Variants in LRRIQ3 observed in about 807,000 individuals in gnomAD.
LRRIQ3 encodes the protein leucine rich repeats and IQ motif containing 3.
A neutral mutation model predicts 59.3 loss-of-function variants in LRRIQ3; 75 were observed. That is an observed-to-expected ratio of 1.26 (90% CI 1.05 to 1.53). LRRIQ3 has a LOEUF of 1.53. LRRIQ3 is among the 40% of genes most tolerant of loss of function. The pLI, the probability that LRRIQ3 is intolerant of heterozygous loss-of-function variation, is 0.00. For missense variants in LRRIQ3, 831 were observed against 710.0 expected (o/e 1.17, Z -1.94); for synonymous variants, 250 against 231.3 (o/e 1.08, Z -0.73).
intron 4 of LRRIQ3, among the ~76,000 whole-genome samples, chr1:74,129,960 T>C (rs1051042903): frequency 1.3e-4 from 19 of 150,152 alleles, no homozygotes; most frequent in African/African-American, 3.9e-4. Flanking sequence ...GTATCAAAGT[T>C]GCCCCCCCAC....
At chr1:74,177,889 G>A (rs1245380085) in intron 3 of LRRIQ3, among the ~76,000 whole-genome samples, 2 of 151,864 alleles carry the variant, frequency 1.3e-5, no homozygotes, top group African/African-American at 4.8e-5. Context: ...ACATAAAAAT[G>A]TTATGTTTTC....
At chr1:74,142,019 C>T (rs1647278863) in intron 4 of LRRIQ3, among the ~76,000 whole-genome samples, 1 of 151,140 alleles carries the variant, frequency 6.6e-6, no homozygotes, top group South Asian at 2.1e-4. Flanking sequence ...ATTACACAAA[C>T]ATATATAACA....
intron 7 of LRRIQ3, among the ~76,000 whole-genome samples, chr1:74,029,853 T>A (rs1161978115): frequency 1.3e-5 from 2 of 152,096 alleles, no homozygotes; most frequent in African/African-American, 4.8e-5. Flanking sequence ...TGGTAAGCTA[T>A]AAACTATTGC....
chr1:74,182,752 G>A lies in LRRIQ3; in HGVS notation c.359C>T (p.Ala120Val), dbSNP rs1400042405. ...AGTGAGGGCAATGAGGGTTGGACAGGCAGATAATACACATATATTCTTTAA... is the reference window on the plus strand; with the variant it reads ...AGTGAGGGCAATGAGGGTTGGACAGACAGATAATACACATATATTCTTTAA... ...AKLKNICVLS[A>V]CPTLIALTMF... The change falls in exon 3 of 8, where the codon GCC becomes GTC. Residue 120 changes from alanine to valine, a missense_variant. Transcript: ENST00000354431. 3 of 1,611,966 alleles carry A rather than the reference G, an allele frequency of 1.9e-6. No individual in the cohort carries two copies. Among genetic ancestry groups the A allele is most frequent in the East Asian group, 2.2e-5 (1 of 44,796 alleles).
In LRRIQ3 at chr1:74,109,424, A is replaced by G. The variant is rs780641413; in HGVS notation, c.837T>C (p.Asn279=). ...TCCAATATGCAAGCTTTCCTTTTATATTAGTTTCAGGTTTGAAAAAGAGAT... is the reference window on the plus strand; with the variant it reads ...TCCAATATGCAAGCTTTCCTTTTATGTTAGTTTCAGGTTTGAAAAAGAGAT... ...LKDLFFKPET[N]IKGKLAYWKH... Residue 279 remains asparagine (N), a synonymous_variant, in exon 5 of 8, where the codon AAT becomes AAC. Coordinates refer to ENST00000354431, the MANE Select transcript of LRRIQ3 (RefSeq NM_001105659.2). 24 of 1,554,004 alleles carry G rather than the reference A, an allele frequency of 1.5e-5. No homozygotes were observed. In the South Asian group the frequency reaches 1.7e-4, roughly 11 times the overall value.
chr1:74,059,525 A>T (rs7511757), intron 6 of LRRIQ3, among the ~76,000 whole-genome samples: 4,352 of 152,122 alleles, frequency 0.029, 199 homozygotes, highest in African/African-American at 0.099. Context: ...ATCTTGGCAC[A>T]CTTGTCAAAA....
At chr1:74,142,603 T>G (rs963428880) in intron 4 of LRRIQ3, among the ~76,000 whole-genome samples, 5 of 152,050 alleles carry the variant, frequency 3.3e-5, no homozygotes, top group Admixed American at 2.6e-4. Context: ...GTGTCATATA[T>G]TATATACAAT....
At chr1:74,059,204 T>C (rs1484809422) in intron 6 of LRRIQ3, among the ~76,000 whole-genome samples, 1 of 152,082 alleles carries the variant, frequency 6.6e-6, no homozygotes, top group African/African-American at 2.4e-5. Flanking sequence ...TTTTCAACTT[T>C]GATGTGGTTC....
intron 4 of LRRIQ3, among the ~76,000 whole-genome samples, chr1:74,124,270 T>C (rs1428066412): frequency 1.3e-5 from 2 of 151,970 alleles, no homozygotes; most frequent in East Asian, 3.9e-4. Context: ...TATTAATTCA[T>C]TGTCACATGG....
chr1:74,050,033 C>T (rs186073339), intron 6 of LRRIQ3, among the ~76,000 whole-genome samples: 2 of 151,478 alleles, frequency 1.3e-5, no homozygotes, highest in South Asian at 2.1e-4. Context: ...AAGCAATTCT[C>T]CTGCCTCAGC....
chr1:74,160,682 G>A (rs1004649256), intron 3 of LRRIQ3, among the ~76,000 whole-genome samples: 2 of 151,844 alleles, frequency 1.3e-5, no homozygotes, highest in Non-Finnish European at 2.9e-5. Flanking sequence ...TTTTTATTTA[G>A]CTTATCAACT....
intron 4 of LRRIQ3, among the ~76,000 whole-genome samples, chr1:74,111,140 G>GA (rs1646688325): frequency 1.3e-5 from 2 of 151,512 alleles, no homozygotes; most frequent in Non-Finnish European, 2.9e-5. Flanking sequence ...CAAAAGAAAA[G>GA]AAAAGAATGG....
chr1:74,160,550 T>C (rs1054037331), intron 3 of LRRIQ3, among the ~76,000 whole-genome samples: 1 of 152,114 alleles, frequency 6.6e-6, no homozygotes, highest in Non-Finnish European at 1.5e-5. Flanking sequence ...TAATTTTCTC[T>C]ACCGTAATTC....
At chr1:74,187,951 T>A (rs1650513112) in intron 1 of LRRIQ3, among the ~76,000 whole-genome samples, 1 of 152,062 alleles carries the variant, frequency 6.6e-6, no homozygotes, top group Non-Finnish European at 1.5e-5. Context: ...AATTGTTCTA[T>A]TATAAAGACA....
At chr1:74,090,849 G>T (rs933514376) in intron 5 of LRRIQ3, among the ~76,000 whole-genome samples, 1 of 151,974 alleles carries the variant, frequency 6.6e-6, no homozygotes, top group East Asian at 1.9e-4. Context: ...AGCCATGAAT[G>T]TGTTACTTCA....
At chr1:74,164,246 C>T (rs1428163455) in intron 3 of LRRIQ3, among the ~76,000 whole-genome samples, 1 of 151,358 alleles carries the variant, frequency 6.6e-6, no homozygotes, top group Non-Finnish European at 1.5e-5. Flanking sequence ...GAATTACTAA[C>T]CCCCAATAAC....
chr1:74,135,073 T>C (rs1452453563), intron 4 of LRRIQ3, among the ~76,000 whole-genome samples: 1 of 151,786 alleles, frequency 6.6e-6, no homozygotes, highest in Non-Finnish European at 1.5e-5. Flanking sequence ...AATACCACAA[T>C]AAGAGTGACT....
At chr1:74,164,631 G>A (rs962403426) in intron 3 of LRRIQ3, among the ~76,000 whole-genome samples, 3 of 151,316 alleles carry the variant, frequency 2.0e-5, no homozygotes, top group African/African-American at 7.3e-5. Context: ...TCTCCTAACA[G>A]GGTCTTTCAT....
At chr1:74,132,195 TACAA>T (rs1647034252) in intron 4 of LRRIQ3, among the ~76,000 whole-genome samples, 2 of 151,972 alleles carry the variant, frequency 1.3e-5, no homozygotes, top group African/African-American at 4.8e-5. Context: ...CAAGGAGAAC[TACAA>T]ACGACTGATC....
Sources: allele counts gnomAD v4.1 joint callset (sites outside exome capture counted in the v4.1 genomes callset), GRCh38; gene constraint gnomAD v4.1.1; transcripts MANE v1.5; gene names NCBI Gene and HGNC (gene_info 2026-07-23, HGNC 2026-07-21).